PATJ: variants seen among roughly 807,000 people sequenced by gnomAD.
The protein encoded by PATJ is inaD-like protein.
PATJ carries 190 observed loss-of-function variants against 224.9 expected under a neutral mutation model. That is an observed-to-expected ratio of 0.84 (90% CI 0.75 to 0.95). The LOEUF is 0.95. Among genes scored for constraint, PATJ ranks in the 40% least tolerant of loss-of-function variants. The pLI, the probability that PATJ is intolerant of heterozygous loss-of-function variation, is 0.00. For synonymous variants in PATJ, 769 were observed against 820.3 expected (o/e 0.94, Z 1.07); for missense variants, 2,121 against 2,270.3 (o/e 0.93, Z 1.34).
chr1:61,802,843 A>G (rs1203775333), intron 12 of PATJ, among the ~76,000 whole-genome samples: 1 of 152,174 alleles, frequency 6.6e-6, no homozygotes, highest in Non-Finnish European at 1.5e-5. Flanking sequence ...ACAGTTGCAC[A>G]CAGTTCCCTG....
At chr1:62,093,973 C>T (rs1370679925) in intron 33 of PATJ, among the ~76,000 whole-genome samples, 1 of 152,188 alleles carries the variant, frequency 6.6e-6, no homozygotes, top group African/African-American at 2.4e-5. Flanking sequence ...AATATATTTA[C>T]AGCAGTTCTT....
intron 30 of PATJ, among the ~76,000 whole-genome samples, chr1:62,043,956 C>T (rs757670222): frequency 1.2e-4 from 18 of 152,024 alleles, no homozygotes; most frequent in African/African-American, 2.9e-4. Flanking sequence ...CTGCTGGGCT[C>T]GAGAGATCCT....
intron 29 of PATJ, among the ~76,000 whole-genome samples, chr1:62,033,288 A>G (rs1415983470): frequency 1.3e-5 from 2 of 152,208 alleles, no homozygotes; most frequent in East Asian, 1.9e-4. Flanking sequence ...TTGAGTTTCA[A>G]CCAATCAAAG....
chr1:62,117,079 C>T, intron 36 of PATJ, 53 bp from the exon 37 acceptor site: 1 of 1,439,738 alleles, frequency 6.9e-7, no homozygotes, highest in Non-Finnish European at 9.7e-7. Flanking sequence ...TAAGATATTT[C>T]AGAATATAAA....
chr1:62,057,208 G>A (rs548477254), intron 31 of PATJ, among the ~76,000 whole-genome samples: 5 of 152,334 alleles, frequency 3.3e-5, no homozygotes, highest in African/African-American at 1.2e-4. Context: ...TTGACCTTGA[G>A]AGGGAGGGCT....
chr1:61,846,717 C>T (rs931011766), intron 17 of PATJ, among the ~76,000 whole-genome samples: 5 of 152,168 alleles, frequency 3.3e-5, no homozygotes, highest in Admixed American at 6.5e-5. Context: ...CTGCCTCAGC[C>T]TCGCGAGTAG....
At chr1:62,120,894 G>T in intron 37 of PATJ, 1 of 338,346 alleles carries the variant, frequency 3.0e-6, no homozygotes, top group Non-Finnish European at 5.3e-6. Context: ...TTGATTTTAT[G>T]TGGAGCAAGA....
intron 19 of PATJ, among the ~76,000 whole-genome samples, chr1:61,863,027 GTTTTTTTTT>G (rs35033086): frequency 3.8e-5 from 3 of 79,996 alleles, no homozygotes; most frequent in African/African-American, 9.4e-5. Context: ...ACTGTTTTCA[GTTTTTTTTT>G]TTTTTTTTTT....
chr1:61,877,694 C>G (rs747672218), intron 21 of PATJ, among the ~76,000 whole-genome samples: 1 of 152,128 alleles, frequency 6.6e-6, no homozygotes, highest in Non-Finnish European at 1.5e-5. Context: ...CCTAGCCATG[C>G]CTCTCGTACA....
chr1:61,746,253 A>T (rs998363895), intron 1 of PATJ, among the ~76,000 whole-genome samples: 5 of 152,154 alleles, frequency 3.3e-5, no homozygotes, highest in African/African-American at 1.2e-4. Flanking sequence ...CTTTTAAAAA[A>T]TTTTTAGTAG....
intron 27 of PATJ, among the ~76,000 whole-genome samples, chr1:61,953,535 A>G (rs1680018925): frequency 6.6e-6 from 1 of 152,230 alleles, no homozygotes; most frequent in Admixed American, 6.5e-5. Flanking sequence ...AGGAAATGCT[A>G]TAGCTCCTAA....
chr1:62,108,500 G>T lies in PATJ; in HGVS notation c.4441G>T (p.Ala1481Ser), dbSNP rs1211229400. The T allele has an allele frequency of 1.2e-6, 2 of 1,607,976 alleles. No homozygotes were observed. Among genetic ancestry groups the T allele is most frequent in the Non-Finnish European group, 1.7e-6 (2 of 1,175,334 alleles). The change falls in exon 34 of 44, where the codon GCT (alanine) becomes TCT (serine). Residue 1481 changes from alanine to serine, a missense_variant. Coordinates refer to ENST00000642238, the MANE Select transcript of PATJ (RefSeq NM_001350145.3). ...AGCAGCCAGAGATGGAAGACTTTGG[G>T]CTGGTGACCAGATATTAGAGGTATA... Reference protein sequence around the residue: ...GAAARDGRLWAGDQILEVNGV... With the variant: ...GAAARDGRLWSGDQILEVNGV...
rs111325185 is a variant in PATJ, at chr1:61,872,134, A to T, written c.2836-3109A>T. On this transcript the variant is annotated intron_variant, in intron 20 of 43. Coordinates refer to ENST00000642238, the MANE Select transcript of PATJ (RefSeq NM_001350145.3). ...CCATTAACTTTGTTTAAGAAGTCCA[A>T]ATGGCCCCAAATTACAACCTTCTTC... 1.5e-3 allele frequency among the ~76,000 whole-genome samples: 233 copies of T among 152,234 alleles called. 1 individual carries two copies. Among genetic ancestry groups the T allele is most frequent in the African/African-American group, 5.0e-3 (207 of 41,552 alleles).
At chr1:61,832,816 T>C (rs2148790172) in intron 16 of PATJ, among the ~76,000 whole-genome samples, 1 of 152,210 alleles carries the variant, frequency 6.6e-6, no homozygotes, top group South Asian at 2.1e-4. Flanking sequence ...ATGAAAACAA[T>C]AGTACAATGC....
chr1:61,967,409 C>A (rs1033918719), intron 27 of PATJ, among the ~76,000 whole-genome samples: 1 of 152,110 alleles, frequency 6.6e-6, no homozygotes, highest in Non-Finnish European at 1.5e-5. Flanking sequence ...AGGAAAGATA[C>A]CTTTCAGAAG....
At chr1:61,986,058 G>C (rs1010859790) in intron 27 of PATJ, among the ~76,000 whole-genome samples, 1 of 151,900 alleles carries the variant, frequency 6.6e-6, no homozygotes, top group African/African-American at 2.4e-5. Context: ...TTTAGTAATT[G>C]GTCCAAGGAA....
intron 17 of PATJ, among the ~76,000 whole-genome samples, chr1:61,855,476 C>T (rs747120222): frequency 1.6e-4 from 25 of 152,194 alleles, no homozygotes; most frequent in Non-Finnish European, 2.8e-4. Context: ...CCACAGCTCA[C>T]TGCAGCCTTG....
chr1:62,097,662 C>T (rs557341290), intron 33 of PATJ, among the ~76,000 whole-genome samples: 2 of 152,138 alleles, frequency 1.3e-5, no homozygotes, highest in Non-Finnish European at 2.9e-5. Flanking sequence ...TAATGTAAAG[C>T]AGAAGAACTG....
chr1:62,022,515 A>G (rs144626648), intron 29 of PATJ, among the ~76,000 whole-genome samples: 1 of 152,218 alleles, frequency 6.6e-6, no homozygotes, highest in Non-Finnish European at 1.5e-5. Flanking sequence ...TCTCCCCTTC[A>G]TGTGAGCACA....
Sources: allele counts gnomAD v4.1 joint callset (sites outside exome capture counted in the v4.1 genomes callset), GRCh38; gene constraint gnomAD v4.1.1; transcripts MANE v1.5; gene names NCBI Gene and HGNC (gene_info 2026-07-23, HGNC 2026-07-21).